Variants in OR7G2 observed in about 807,000 individuals in gnomAD.
OR7G2 encodes the protein olfactory receptor 7G2.
For missense variants in OR7G2, 362 were observed against 384.0 expected, an observed-to-expected ratio of 0.94 and a Z score of 0.48; for synonymous variants, 153 against 152.2, an observed-to-expected ratio of 1.01 and a Z score of -0.04.
intron 1 of OR7G2, among the ~76,000 whole-genome samples, chr19:9,106,083 G>A (rs915210176): frequency 2.0e-5 from 3 of 151,948 alleles, no homozygotes; most frequent in Non-Finnish European, 4.4e-5. Context: ...AGAAAGTACG[G>A]AGAATAATGA....
rs2050363624 is a variant in OR7G2, at chr19:9,102,944, C to T, written c.300G>A (p.Gln100=). ...CAGCAAAAAACAAGACAAAGCAGAT[C>T]TGGGTGAGGCAGCCTGAGTACGTGA... ...RSITYSGCLT[Q]ICFVLFFAGL... The change falls in exon 2 of 2, where the codon CAG becomes CAA. Residue 100 remains glutamine (Q), a synonymous_variant. Coordinates refer to ENST00000641081, the MANE Select transcript of OR7G2 (RefSeq NM_001005193.2). The T allele has an allele frequency of 4.3e-6, 7 of 1,614,186 alleles. No individual in the cohort carries two copies. In the African/African-American group the frequency reaches 5.3e-5, roughly 12 times the overall value.
intron 1 of OR7G2, among the ~76,000 whole-genome samples, chr19:9,104,129 C>T (rs1055593756): frequency 2.0e-5 from 3 of 152,092 alleles, no homozygotes; most frequent in African/African-American, 4.8e-5. Context: ...TCAAGTGATC[C>T]GCCTGCCTCA....
At chr19:9,103,807 G>A (rs1315734616) in intron 1 of OR7G2, among the ~76,000 whole-genome samples, 1 of 150,692 alleles carries the variant, frequency 6.6e-6, no homozygotes, top group African/African-American at 2.4e-5. Context: ...GGGATTACAG[G>A]CTTGAGCCAC....
At chr19:9,103,456 C>T (rs919860150) in intron 1 of OR7G2, 197 bp from the exon 2 acceptor site, 4 of 486,420 alleles carry the variant, frequency 8.2e-6, no homozygotes, top group Admixed American at 3.5e-5. Context: ...CAGTTCAAAA[C>T]ATTTACTTAG....
At chr19:9,105,829 A>G (rs1476783046) in intron 1 of OR7G2, among the ~76,000 whole-genome samples, 16 of 150,904 alleles carry the variant, frequency 1.1e-4, no homozygotes, top group Non-Finnish European at 1.5e-5. Flanking sequence ...CCTGGGTGAC[A>G]GAGTGACACT....
chr19:9,106,893 G>T (rs2050389423), intron 1 of OR7G2, among the ~76,000 whole-genome samples: 1 of 151,516 alleles, frequency 6.6e-6, no homozygotes. Flanking sequence ...AATAACAATG[G>T]CATTGTGTTG....
chr19:9,102,624 C>A lies in OR7G2; in HGVS notation c.620G>T (p.Gly207Val), dbSNP rs748885775. 5.0e-6 allele frequency: 8 copies of A among 1,614,006 alleles called. No homozygotes were observed. In the Admixed American group the frequency reaches 5.0e-5, roughly 10 times the overall value. Residue 207 changes from glycine to valine, a missense_variant, in exon 2 of 2, where the codon GGT becomes GTT. Transcript: ENST00000641081. ...AATGATTCCAGACAGAGGAACACCA[C>A]CAAATATGCAAGCTGCAAAATATAT... ...ILIYFAACIF[G>V]GVPLSGIILS...
At chr19:9,106,535 G>T (rs1486022036) in intron 1 of OR7G2, among the ~76,000 whole-genome samples, 1 of 151,500 alleles carries the variant, frequency 6.6e-6, no homozygotes, top group Admixed American at 6.6e-5. Flanking sequence ...GGCTGGGCAT[G>T]GTGGCTCATG....
chr19:9,102,731 G>T lies in OR7G2; in HGVS notation c.513C>A (p.Asp171Glu). ...LMVLRLSFCT[D>E]LEIPLFFCEL... ...CACAGAAGAAGAGCGGGATTTCCAG[G>T]TCTGTGCAGAAGGACAGCCTCAACA... The change falls in exon 2 of 2, where the codon GAC (aspartate) becomes GAA (glutamate). Residue 171 changes from aspartate (D) to glutamate (E), a missense_variant. Coordinates refer to ENST00000641081, the MANE Select transcript of OR7G2 (RefSeq NM_001005193.2). The T allele has an allele frequency of 6.2e-7, 1 of 1,614,124 alleles. No individual in the cohort carries two copies. The highest frequency in any genetic ancestry group is 8.5e-7 in the Non-Finnish European group (1 of 1,180,018).
At position 9,101,987 on chromosome 19, in the gene OR7G2, G is replaced by A. The variant is rs1264620059; in HGVS notation, c.*282C>T. 3.5e-6 allele frequency: 1 copy of A among 285,114 alleles called. No individual in the cohort carries two copies. The highest frequency in any genetic ancestry group is 6.5e-6 in the Non-Finnish European group (1 of 153,636). The allele number at this position is 285,114 out of a possible 1,614,324, so 17.7% of individuals were successfully genotyped here. A position where few individuals can be genotyped will look rare whatever the true frequency, so the allele number is the denominator to read the frequency against. ...GGAGGCCGAGGCGGGTGGATCACCTGACGTCAGGAGTTTGAGACCAGCCTG... is the reference window on the plus strand; with the variant it reads ...GGAGGCCGAGGCGGGTGGATCACCTAACGTCAGGAGTTTGAGACCAGCCTG... On this transcript the variant is annotated 3_prime_UTR_variant, in exon 2 of 2. Coordinates refer to ENST00000641081, the MANE Select transcript of OR7G2 (RefSeq NM_001005193.2).
intron 1 of OR7G2, among the ~76,000 whole-genome samples, chr19:9,106,126 A>T (rs2050384334): frequency 6.6e-6 from 1 of 151,946 alleles, no homozygotes; most frequent in South Asian, 2.1e-4. Context: ...ACGATATAAG[A>T]TTCACACAAG....
rs774829037 is a variant in OR7G2, at chr19:9,103,236, G to A, written c.8C>T (p.Ala3Val). 50 of 1,613,922 alleles carry A rather than the reference G, an allele frequency of 3.1e-5. No individual in the cohort carries two copies. The highest frequency in any genetic ancestry group is 2.4e-4 in the African/African-American group (18 of 74,998). The change falls in exon 2 of 2, where the codon GCG (alanine) becomes GTG (valine). Residue 3 changes from alanine to valine, a missense_variant. By Grantham distance (64) the Ala-to-Val change is moderately conservative (BLOSUM62 0). Transcript: ENST00000641081. MEARNQTAISKFL... is the reference protein window; with the variant it reads MEVRNQTAISKFL... ...TTTTGAAATAGCTGTTTGGTTTCTCGCTTCCATGCTGTTGATGATGAATCT... is the reference window on the plus strand; with the variant it reads ...TTTTGAAATAGCTGTTTGGTTTCTCACTTCCATGCTGTTGATGATGAATCT...
In OR7G2 at chr19:9,102,828, CG is replaced by C; in HGVS notation, c.415del (p.Arg139AlafsTer6). 6.2e-7 allele frequency: 1 copy of C among 1,613,554 alleles called. No homozygotes were observed. The highest frequency in any genetic ancestry group is 8.5e-7 in the Non-Finnish European group (1 of 1,179,666). ...GAGAAGAATCAGCAGGCCACAGAGG[CG>C]GGGGTTCATGATGACTGTGTATCTA... ...PLRYTVIMNP[R>X]LCGLLILLSL... is the part of the protein sequence containing the mutation. On this transcript the variant is annotated frameshift_variant, in exon 2 of 2. Transcript: ENST00000641081. LOFTEE classifies it low-confidence loss of function (END_TRUNC).
intron 1 of OR7G2, among the ~76,000 whole-genome samples, chr19:9,103,966 T>C (rs573480900): frequency 1.2e-3 from 186 of 150,822 alleles, no homozygotes; most frequent in African/African-American, 4.4e-3. Context: ...ACCTCCCAGG[T>C]TCAAGTGAGT....
intron 1 of OR7G2, among the ~76,000 whole-genome samples, chr19:9,106,364 G>A (rs987327411): frequency 1.3e-5 from 2 of 150,944 alleles, no homozygotes; most frequent in Non-Finnish European, 2.9e-5. Context: ...GGCAGAGGTT[G>A]CAGTAAGCCG....
Position 9,102,255 on chromosome 19 carries a change from C to G in OR7G2, c.*14G>C, listed in dbSNP as rs985109252. Reference sequence around the variant, plus strand: ...TCAGGCATTCTAGCTCACCAGGAATCCTGTCACTTTGACTTACTCTAGAAA... The same window carrying G: ...TCAGGCATTCTAGCTCACCAGGAATGCTGTCACTTTGACTTACTCTAGAAA... On this transcript the variant is annotated 3_prime_UTR_variant, in exon 2 of 2. Transcript: ENST00000641081. The G allele has an allele frequency of 2.2e-5, 34 of 1,571,794 alleles. No homozygotes were observed. Among genetic ancestry groups the G allele is most frequent in the African/African-American group, 2.7e-5 (2 of 73,246 alleles).
At position 9,102,772 on chromosome 19, in the gene OR7G2, G is replaced by C; in HGVS notation, c.472C>G (p.Leu158Val). 1 of 1,614,076 alleles carries C rather than the reference G, an allele frequency of 6.2e-7. No individual in the cohort carries two copies. Among genetic ancestry groups the C allele is most frequent in the South Asian group, 1.1e-5 (1 of 91,066 alleles). ...AGCCTCAACACCATCAGGCTGAGAA[G>C]AAGGGCATTCACAACACTAGTCAAC... ...SLLTSVVNALLLSLMVLRLSF... is the reference protein window; with the variant it reads ...SLLTSVVNALVLSLMVLRLSF... The change falls in exon 2 of 2, where the codon CTT (leucine) becomes GTT (valine). Residue 158 changes from leucine to valine, a missense_variant. Leu to Val is a conservative substitution (Grantham distance 32). Coordinates refer to ENST00000641081, the MANE Select transcript of OR7G2 (RefSeq NM_001005193.2).
At position 9,102,668 on chromosome 19, in the gene OR7G2, G is replaced by A; in HGVS notation, c.576C>T (p.Thr192=). 1 of 1,614,134 alleles carries A rather than the reference G, an allele frequency of 6.2e-7. No individual in the cohort carries two copies. The highest frequency in any genetic ancestry group is 8.5e-7 in the Non-Finnish European group (1 of 1,180,026). The change falls in exon 2 of 2, where the codon ACC becomes ACT. Residue 192 remains threonine, a synonymous_variant. Coordinates refer to ENST00000641081, the MANE Select transcript of OR7G2 (RefSeq NM_001005193.2). ...AATATATCAGGATGTTATTGATGAG[G>A]GTGTCTGAACAGGTGAGTTGGATGA... ...AQVIQLTCSD[T]LINNILIYFA... is the part of the protein sequence containing the mutation.
Position 9,102,060 on chromosome 19 carries a change from A to C in OR7G2, c.*209T>G. ...TCTACTAAAAATACAAAAATTAGCC[A>C]GGCATGGTGGCAGGCGCCTGTAATC... On this transcript the variant is annotated 3_prime_UTR_variant, in exon 2 of 2. Coordinates refer to ENST00000641081, the MANE Select transcript of OR7G2 (RefSeq NM_001005193.2). The C allele has an allele frequency of 2.1e-6, 1 of 485,144 alleles. No individual in the cohort carries two copies. The highest frequency in any genetic ancestry group is 3.3e-5 in the East Asian group (1 of 30,626). The allele number at this position is 485,144 out of a possible 1,614,324, so 30.1% of individuals were successfully genotyped here.
Sources: gnomAD v4.1 joint callset for allele counts (sites outside exome capture counted in the v4.1 genomes callset) on GRCh38, gnomAD v4.1.1 for gene constraint, MANE v1.5 for transcripts, NCBI Gene and HGNC (gene_info 2026-07-23, HGNC 2026-07-21) for gene names.